Variants in SORCS1 observed in about 807,000 individuals in gnomAD.
SORCS1 encodes VPS10 domain-containing receptor SorCS1.
SORCS1 carries 60 observed loss-of-function variants against 146.1 expected under a neutral mutation model. The observed-to-expected ratio is 0.41, with a 90% confidence interval of 0.33 to 0.51. SORCS1 has a LOEUF of 0.51. SORCS1 is among the 20% of genes least tolerant of loss of function. The pLI is 0.21. For synonymous variants in SORCS1, 637 were observed against 584.0 expected, an observed-to-expected ratio of 1.09 and a Z score of -1.31; for missense variants, 1,352 against 1,487.6, an observed-to-expected ratio of 0.91 and a Z score of 1.50.
chr10:107,076,460 C>T (rs942802911), intron 1 of SORCS1, among the ~76,000 whole-genome samples: 3 of 152,276 alleles, frequency 2.0e-5, no homozygotes, highest in East Asian at 3.9e-4. Flanking sequence ...ATGCACAATA[C>T]ACCAGCGAGC....
At chr10:107,100,513 C>CA (rs60616581) in intron 1 of SORCS1, among the ~76,000 whole-genome samples, 45,571 of 139,112 alleles carry the variant, frequency 0.33, 7,297 homozygotes, top group Middle Eastern at 0.47. Flanking sequence ...GACTCCGCCT[C>CA]AAAAAAAAAA....
intron 3 of SORCS1, among the ~76,000 whole-genome samples, chr10:106,813,681 T>C (rs890881303): frequency 6.6e-6 from 1 of 152,146 alleles, no homozygotes; most frequent in Admixed American, 6.5e-5. Flanking sequence ...ACGCCTGCAA[T>C]CCCAAAGCTT....
intron 1 of SORCS1, among the ~76,000 whole-genome samples, chr10:107,098,309 C>G (rs1159252136): frequency 1.3e-5 from 2 of 152,198 alleles, no homozygotes; most frequent in African/African-American, 4.8e-5. Context: ...TCCCAAACAT[C>G]TAGCACATCA....
At chr10:107,027,622 A>C (rs1469848096) in intron 1 of SORCS1, among the ~76,000 whole-genome samples, 5 of 152,158 alleles carry the variant, frequency 3.3e-5, no homozygotes, top group Non-Finnish European at 7.3e-5. Flanking sequence ...CCTTTCCTCA[A>C]GGACAGCCAT....
chr10:107,064,916 G>T (rs1284207725), intron 1 of SORCS1, among the ~76,000 whole-genome samples: 1 of 152,176 alleles, frequency 6.6e-6, no homozygotes, highest in Non-Finnish European at 1.5e-5. Flanking sequence ...TTCAGGGTTT[G>T]TGCCTAAGGA....
At chr10:107,131,635 C>T (rs1298997310) in intron 1 of SORCS1, among the ~76,000 whole-genome samples, 1 of 152,164 alleles carries the variant, frequency 6.6e-6, no homozygotes, top group African/African-American at 2.4e-5. Flanking sequence ...ACAAGAATCT[C>T]TTGAACCCGG....
Position 107,164,579 on chromosome 10 carries a change from C to G in SORCS1, c.-53G>C, listed in dbSNP as rs1265246858. 1.0e-5 allele frequency: 13 copies of G among 1,299,858 alleles called. 1 individual carries two copies. The highest frequency in any genetic ancestry group is 4.4e-5 in the South Asian group (2 of 44,952). The allele number at this position is 1,299,858 out of a possible 1,614,324, so 80.5% of individuals were successfully genotyped here. ...GGGTCCCAGAACGAAGGTGGCGGCACGAGCTCTGCGCTGGCGGCTGTGGGG... is the reference window on the plus strand; with the variant it reads ...GGGTCCCAGAACGAAGGTGGCGGCAGGAGCTCTGCGCTGGCGGCTGTGGGG... On this transcript the variant is annotated 5_prime_UTR_variant, in exon 1 of 26. Transcript: ENST00000263054. This position sits in a 1 kb window ranked among gnomAD's most constrained non-coding sequence, Gnocchi z 6.8.
chr10:106,837,584 A>T (rs1270831210), intron 2 of SORCS1, among the ~76,000 whole-genome samples: 1 of 149,264 alleles, frequency 6.7e-6, no homozygotes, highest in Non-Finnish European at 1.5e-5. Context: ...CCCCAATAAC[A>T]TCACTATCTA....
chr10:106,904,878 A>C (rs1951848464), intron 2 of SORCS1, among the ~76,000 whole-genome samples: 1 of 152,236 alleles, frequency 6.6e-6, no homozygotes, highest in Admixed American at 6.5e-5. Flanking sequence ...ATCTTAAATA[A>C]AAACAATGTT....
chr10:107,102,587 G>A (rs1317182416), intron 1 of SORCS1, among the ~76,000 whole-genome samples: 4 of 152,122 alleles, frequency 2.6e-5, no homozygotes, highest in African/African-American at 9.6e-5. Flanking sequence ...ATGCTCAGTG[G>A]GCATTTAGTT....
At chr10:106,917,081 C>G (rs1952481132) in intron 2 of SORCS1, among the ~76,000 whole-genome samples, 1 of 152,132 alleles carries the variant, frequency 6.6e-6, no homozygotes, top group Non-Finnish European at 1.5e-5. Flanking sequence ...TCATTTTTCA[C>G]CTGGCCAGCT....
Position 106,778,865 on chromosome 10 carries a change from T to G in SORCS1, c.727-2173A>C, listed in dbSNP as rs143813078. Among the ~76,000 whole-genome samples, 460 of 152,272 alleles carry G rather than the reference T, an allele frequency of 3.0e-3. 2 individuals are homozygous for G. The highest frequency in any genetic ancestry group is 0.01 in the African/African-American group (434 of 41,544). On this transcript the variant is annotated intron_variant, in intron 3 of 25. Coordinates refer to ENST00000263054, the MANE Select transcript of SORCS1 (RefSeq NM_052918.5). Reference sequence around the variant, plus strand: ...TATAGATCTCCCCACCTGCTTCTCCTGGCAGAATACTTAATCAAAATAAAA... The same window carrying G: ...TATAGATCTCCCCACCTGCTTCTCCGGGCAGAATACTTAATCAAAATAAAA...
chr10:106,729,919 C>T (rs1412746266), intron 6 of SORCS1, 131 bp downstream of exon 6: 5 of 1,125,552 alleles, frequency 4.4e-6, no homozygotes, highest in African/African-American at 3.1e-5. Context: ...CCCCTGCAAC[C>T]CCAAATCCTC....
At chr10:106,773,685 C>T (rs1860199680) in intron 4 of SORCS1, among the ~76,000 whole-genome samples, 1 of 152,184 alleles carries the variant, frequency 6.6e-6, no homozygotes, top group African/African-American at 2.4e-5. Context: ...CGTGGTGGCT[C>T]ATGTCCGTAA....
chr10:106,865,316 C>T (rs958661811), intron 2 of SORCS1, among the ~76,000 whole-genome samples: 12 of 152,202 alleles, frequency 7.9e-5, no homozygotes, highest in African/African-American at 2.9e-4. Context: ...GGGCAGGCAG[C>T]CATGTTTGTG....
At chr10:106,895,071 T>A (rs1951413885) in intron 2 of SORCS1, among the ~76,000 whole-genome samples, 1 of 152,212 alleles carries the variant, frequency 6.6e-6, no homozygotes, top group Non-Finnish European at 1.5e-5. Context: ...GCTTTCATAC[T>A]GTACTCACCC....
At chr10:107,063,213 A>T (rs1477282679) in intron 1 of SORCS1, among the ~76,000 whole-genome samples, 1 of 152,176 alleles carries the variant, frequency 6.6e-6, no homozygotes. Flanking sequence ...ACATGCAAGG[A>T]GTTACTTCTG....
intron 2 of SORCS1, among the ~76,000 whole-genome samples, chr10:106,907,650 G>T (rs1228528390): frequency 1.3e-5 from 2 of 152,098 alleles, no homozygotes; most frequent in Non-Finnish European, 2.9e-5. Context: ...GTCACGGTTA[G>T]GTGCGGTGGC....
chr10:106,663,433 A>G (rs1850887880), intron 17 of SORCS1, among the ~76,000 whole-genome samples: 1 of 152,178 alleles, frequency 6.6e-6, no homozygotes, highest in African/African-American at 2.4e-5. Flanking sequence ...GGGGGCCAGG[A>G]TTGGGATGAT....
Sources: allele counts gnomAD v4.1 joint callset (sites outside exome capture counted in the v4.1 genomes callset), GRCh38; gene constraint gnomAD v4.1.1; non-coding constraint Gnocchi (gnomAD v3.1); transcripts MANE v1.5; gene names NCBI Gene and HGNC (gene_info 2026-07-23, HGNC 2026-07-21).